Variants in MAPK13 observed in about 807,000 individuals in gnomAD.
MAPK13 encodes the protein MAP kinase 13.
MAPK13 carries 39 observed loss-of-function variants against 53.5 expected under a neutral mutation model. That is an observed-to-expected ratio of 0.73 (90% confidence interval 0.56 to 0.95). The LOEUF (loss-of-function observed/expected upper bound fraction) is 0.95, where lower values mean the gene tolerates loss of function less well. Ranked by LOEUF, MAPK13 falls within the 40% of genes least tolerant of loss-of-function variation. MAPK13 has a pLI of 0.00. For synonymous variants in MAPK13, 179 were observed against 190.9 expected (o/e 0.94, Z 0.51); for missense variants, 460 against 471.8 (o/e 0.98, Z 0.23).
rs1178281317 is a variant in MAPK13 at position 36,130,724 on chromosome 6, G to GGGCGGGA, written c.119+29_119+30insAGGCGGG. 1.7e-6 allele frequency: 2 copies of GGGCGGGA among 1,163,196 alleles called. No individual in the cohort carries two copies. The highest frequency in any genetic ancestry group is 1.2e-6 in the Non-Finnish European group (1 of 822,590). 72.1% of individuals were successfully genotyped at this position (1,163,196 alleles called of 1,614,324 possible). A position where few individuals can be genotyped will look rare whatever the true frequency, so the allele number is the denominator to read the frequency against. ...GTGGTGAGACCCCTGGGCCGCTGGG[G>GGGCGGGA]GGCGGGGGGCGGGCGCCAGGCTCTC... On this transcript the variant is annotated intron_variant, in intron 1 of 11. Transcript: ENST00000211287. This position sits in a 1 kb window ranked among gnomAD's most constrained non-coding sequence, Gnocchi z 4.5.
chr6:36,137,661 A>AC (rs1313592082), intron 8 of MAPK13, among the ~76,000 whole-genome samples: 1 of 150,090 alleles, frequency 6.7e-6, no homozygotes, highest in African/African-American at 2.5e-5. Flanking sequence ...AAAAAAAAAA[A>AC]AAAAAAAACA....
At position 36,136,941 on chromosome 6, in the gene MAPK13, G is replaced by T; in HGVS notation, c.673G>T (p.Gly225Trp). 7 of 1,614,170 alleles carry T rather than the reference G, an allele frequency of 4.3e-6. No individual in the cohort carries two copies. The highest frequency in any genetic ancestry group is 5.9e-6 in the Non-Finnish European group (7 of 1,179,990). ...EMLTGKTLFK[G>W]KDYLDQLTQI... The stretch of plus-strand genomic sequence containing the variant: ...GCTGACAGGGAAAACTCTGTTCAAG[G>T]GGAAAGATTGTATCCTTTGCTGGAA... Residue 225 changes from glycine (G) to tryptophan (W), a missense_variant, in exon 8 of 12, where the codon GGG becomes TGG. By Grantham distance (184) the Gly-to-Trp change is radical. Coordinates refer to ENST00000211287, the MANE Select transcript of MAPK13 (RefSeq NM_002754.5).
chr6:36,130,557 G>A lies in MAPK13; in HGVS notation c.-26G>A, dbSNP rs747660733. The A allele has an allele frequency of 3.0e-6, 4 of 1,317,280 alleles. No individual in the cohort carries two copies. The highest frequency in any genetic ancestry group is 2.1e-5 in the Admixed American group (1 of 46,958). 81.6% of individuals were successfully genotyped at this position (1,317,280 alleles called of 1,614,324 possible). ...GGGCCGCGAACGCAGCCGCCACGCTGGGGCCGCCGAGATCGGGTGCCCGGG... is the reference window on the plus strand; with the variant it reads ...GGGCCGCGAACGCAGCCGCCACGCTAGGGCCGCCGAGATCGGGTGCCCGGG... On this transcript the variant is annotated 5_prime_UTR_variant, in exon 1 of 12. Coordinates refer to ENST00000211287, the MANE Select transcript of MAPK13 (RefSeq NM_002754.5). The surrounding 1 kb of genome is among the most constrained non-coding windows in gnomAD (Gnocchi z 4.5).
Position 36,130,530 on chromosome 6 carries a change from T to C in MAPK13, c.-53T>C, listed in dbSNP as rs1055930659. ...CGGGGGTCGGGGCGCTGGGAGCCCG[T>C]TGGGCCGCGAACGCAGCCGCCACGC... On this transcript the variant is annotated 5_prime_UTR_variant, in exon 1 of 12. Transcript: ENST00000211287. This position sits in a 1 kb window ranked among gnomAD's most constrained non-coding sequence, Gnocchi z 4.5. 2.3e-5 allele frequency: 21 copies of C among 914,416 alleles called. No homozygotes were observed. In the African/African-American group the frequency reaches 2.5e-4, roughly 11 times the overall value. The allele number at this position is 914,416 out of a possible 1,614,324, so 56.6% of individuals were successfully genotyped here. A position where few individuals can be genotyped will look rare whatever the true frequency, so the allele number is the denominator to read the frequency against.
intron 1 of MAPK13, 99 bp from the exon 2 acceptor site, chr6:36,131,172 C>T: frequency 3.5e-6 from 5 of 1,410,658 alleles, no homozygotes; most frequent in Non-Finnish European, 3.8e-6. Context: ...TGGGCCTAGT[C>T]CCCTCTCAGC....
chr6:36,138,913 C>T lies in MAPK13; in HGVS notation c.876C>T (p.Asp292=), dbSNP rs762188816. ...ADLLEKMLEL[D]VDKRLTAAQA... ...TGCTGGAGAAGATGCTGGAGCTAGA[C>T]GTGGACAAGCGCCTGACGGCCGCGC... The change falls in exon 11 of 12, where the codon GAC becomes GAT. Residue 292 remains aspartate (D), a synonymous_variant. Transcript: ENST00000211287. The T allele has an allele frequency of 1.2e-4, 195 of 1,611,636 alleles. 1 individual carries two copies. Among genetic ancestry groups the T allele is most frequent in the Middle Eastern group, 4.9e-4 (3 of 6,072 alleles).
In MAPK13 at chr6:36,136,663, A is replaced by G; in HGVS notation, c.503A>G (p.Asp168Gly). 6.2e-7 allele frequency: 1 copy of G among 1,613,732 alleles called. No individual in the cohort carries two copies. Among genetic ancestry groups the G allele is most frequent in the Non-Finnish European group, 8.5e-7 (1 of 1,179,836 alleles). ...VNEDCELKILDFGLARHADAE... is the reference protein window; with the variant it reads ...VNEDCELKILGFGLARHADAE... Reference sequence around the variant, plus strand: ...TTATCCCCTGTGCCATAGATTCTGGATTTTGGGCTGGCGCGACATGCAGAC... The same window carrying G: ...TTATCCCCTGTGCCATAGATTCTGGGTTTTGGGCTGGCGCGACATGCAGAC... The change falls in exon 7 of 12, where the codon GAT becomes GGT. Residue 168 changes from aspartate (D) to glycine (G), a missense_variant. By Grantham distance (94) the Asp-to-Gly change is moderately conservative. Coordinates refer to ENST00000211287, the MANE Select transcript of MAPK13 (RefSeq NM_002754.5).
rs1268858000 is a variant in MAPK13, at chr6:36,136,478, C to T, written c.448-6C>T. On this transcript the variant is annotated splice_polypyrimidine_tract_variant and splice_region_variant and intron_variant, in intron 5 of 11. Transcript: ENST00000211287. ...GCCTAGCATGCATTCTCTGTCCTCCCCCCAGGACCTGAAGCCAGGCAACCT... is the reference window on the plus strand; with the variant it reads ...GCCTAGCATGCATTCTCTGTCCTCCTCCCAGGACCTGAAGCCAGGCAACCT... 2 of 1,590,818 alleles carry T rather than the reference C, an allele frequency of 1.3e-6. No homozygotes were observed. The highest frequency in any genetic ancestry group is 1.7e-6 in the Non-Finnish European group (2 of 1,169,676).
At position 36,140,942 on chromosome 6, in the gene MAPK13, G is replaced by A. The variant is rs531258062; in HGVS notation, c.*1569G>A. 3 of 152,260 alleles carry A rather than the reference G, an allele frequency of 2.0e-5. No homozygotes were observed. In the East Asian group the frequency reaches 5.8e-4, roughly 29 times the overall value. The allele number at this position is 152,260 out of a possible 1,614,324, so 9.4% of individuals were successfully genotyped here. A position where few individuals can be genotyped will look rare whatever the true frequency, so the allele number is the denominator to read the frequency against. ...AGGTCTGTGCCACCCAGGTGCACCAGGACTGCAGGTGGCTAATTAAAACAT... is the reference window on the plus strand; with the variant it reads ...AGGTCTGTGCCACCCAGGTGCACCAAGACTGCAGGTGGCTAATTAAAACAT... On this transcript the variant is annotated 3_prime_UTR_variant, in exon 12 of 12. Coordinates refer to ENST00000211287, the MANE Select transcript of MAPK13 (RefSeq NM_002754.5).
At position 36,136,655 on chromosome 6, in the gene MAPK13, G is replaced by C. The variant is rs1561790040; in HGVS notation, c.496-1G>C. ...TTTTCTATTTATCCCCTGTGCCATA[G>C]ATTCTGGATTTTGGGCTGGCGCGAC... is the stretch of plus-strand genomic sequence containing the variant. On this transcript the variant is annotated splice_acceptor_variant, in intron 6 of 11. Coordinates refer to ENST00000211287, the MANE Select transcript of MAPK13 (RefSeq NM_002754.5). LOFTEE classifies it high-confidence loss of function. The C allele has an allele frequency of 6.2e-7, 1 of 1,613,612 alleles. No individual in the cohort carries two copies.
Position 36,140,381 on chromosome 6 carries a change from C to G in MAPK13, c.*1008C>G, listed in dbSNP as rs1258737084. The G allele has an allele frequency of 6.5e-6, 1 of 152,864 alleles. No individual in the cohort carries two copies. The highest frequency in any genetic ancestry group is 1.5e-5 in the Non-Finnish European group (1 of 68,100). The allele number at this position is 152,864 out of a possible 1,614,324, so 9.5% of individuals were successfully genotyped here. A position where few individuals can be genotyped will look rare whatever the true frequency, so the allele number is the denominator to read the frequency against. On this transcript the variant is annotated 3_prime_UTR_variant, in exon 12 of 12. Transcript: ENST00000211287. The stretch of plus-strand genomic sequence containing the variant: ...TGGCACAGCTCTCCAGAGCTTTGAC[C>G]TGACAGTGGCTAGAACCTCTCTGTT...
At chr6:36,134,947 G>A (rs1766387029) in intron 3 of MAPK13, among the ~76,000 whole-genome samples, 1 of 152,184 alleles carries the variant, frequency 6.6e-6, no homozygotes, top group Non-Finnish European at 1.5e-5. Context: ...CCTGGGAGGT[G>A]GAGGTTGCAG....
At chr6:36,132,360 A>C (rs773142707) in intron 2 of MAPK13, among the ~76,000 whole-genome samples, 2 of 152,208 alleles carry the variant, frequency 1.3e-5, no homozygotes, top group Non-Finnish European at 2.9e-5. Context: ...CTTGACAGCA[A>C]TGAGCACACA....
rs539362480 is a variant in MAPK13 at position 36,141,270 on chromosome 6, A to C, written c.*1897A>C. The C allele has an allele frequency of 3.9e-5, 6 of 152,366 alleles. No individual in the cohort carries two copies. The highest frequency in any genetic ancestry group is 1.4e-4 in the African/African-American group (6 of 41,588). The allele number at this position is 152,366 out of a possible 1,614,324, so 9.4% of individuals were successfully genotyped here. A position where few individuals can be genotyped will look rare whatever the true frequency, so the allele number is the denominator to read the frequency against. On this transcript the variant is annotated 3_prime_UTR_variant, in exon 12 of 12. Transcript: ENST00000211287. ...CAGTATTGGTTCATAAATTGTAACAATTGTGCCACACTAATGCAAGATGTT... is the reference window on the plus strand; with the variant it reads ...CAGTATTGGTTCATAAATTGTAACACTTGTGCCACACTAATGCAAGATGTT...
Position 36,131,280 on chromosome 6 carries a change from C to A in MAPK13, c.129C>A (p.Ile43=). The part of the protein sequence containing the change: ...SGAYGSVCSA[I]DKRSGEKVAI... Reference sequence around the variant, plus strand: ...GGCCTGTGCCCGACAGCTCGGCCATCGACAAGCGGTCAGGGGAGAAGGTGG... The same window carrying A: ...GGCCTGTGCCCGACAGCTCGGCCATAGACAAGCGGTCAGGGGAGAAGGTGG... Residue 43 remains isoleucine, a synonymous_variant, in exon 2 of 12, where the codon ATC becomes ATA. Transcript: ENST00000211287. 1 of 1,612,774 alleles carries A rather than the reference C, an allele frequency of 6.2e-7. No homozygotes were observed. Among genetic ancestry groups the A allele is most frequent in the Non-Finnish European group, 8.5e-7 (1 of 1,179,274 alleles).
chr6:36,138,886 C>T lies in MAPK13; in HGVS notation c.849C>T (p.Asp283=). The change falls in exon 11 of 12, where the codon GAC becomes GAT. Residue 283 remains aspartate (D), a synonymous_variant. Transcript: ENST00000211287. Reference sequence around the variant, plus strand: ...TTGGCTCTGCCCCTGCAGCTGCGGACCTGCTGGAGAAGATGCTGGAGCTAG... The same window carrying T: ...TTGGCTCTGCCCCTGCAGCTGCGGATCTGCTGGAGAAGATGCTGGAGCTAG... The part of the protein sequence containing the change: ...LFPRASPQAA[D]LLEKMLELDV... 2 of 1,610,316 alleles carry T rather than the reference C, an allele frequency of 1.2e-6. No homozygotes were observed. The highest frequency in any genetic ancestry group is 1.7e-6 in the Non-Finnish European group (2 of 1,178,274).
chr6:36,132,548 T>C lies in MAPK13; in HGVS notation c.250-73T>C, dbSNP rs1459369651. The C allele has an allele frequency of 2.1e-6, 3 of 1,409,428 alleles. No homozygotes were observed. In the South Asian group the frequency reaches 3.4e-5, roughly 16 times the overall value. The allele number at this position is 1,409,428 out of a possible 1,614,324, so 87.3% of individuals were successfully genotyped here. ...AGGAAAGGGTGGATGGCCCTGTGCA[T>C]GGCCAGGGCCCAGGAGGAGGTGGGA... On this transcript the variant is annotated intron_variant, in intron 2 of 11. Coordinates refer to ENST00000211287, the MANE Select transcript of MAPK13 (RefSeq NM_002754.5).
rs1320428158 is a variant in MAPK13, at chr6:36,130,526, C to A, written c.-57C>A. ...GCAGCGGGGGTCGGGGCGCTGGGAG[C>A]CCGTTGGGCCGCGAACGCAGCCGCC... On this transcript the variant is annotated 5_prime_UTR_variant, in exon 1 of 12. Coordinates refer to ENST00000211287, the MANE Select transcript of MAPK13 (RefSeq NM_002754.5). The surrounding 1 kb of genome is among the most constrained non-coding windows in gnomAD (Gnocchi z 4.5). The A allele has an allele frequency of 8.5e-5, 71 of 837,528 alleles. 1 individual carries two copies. Among genetic ancestry groups the A allele is most frequent in the Non-Finnish European group, 1.2e-4 (68 of 553,144 alleles). 51.9% of individuals were successfully genotyped at this position (837,528 alleles called of 1,614,324 possible).
At chr6:36,134,587 G>C (rs1386319677) in intron 3 of MAPK13, among the ~76,000 whole-genome samples, 1 of 151,936 alleles carries the variant, frequency 6.6e-6, no homozygotes, top group African/African-American at 2.4e-5. Flanking sequence ...TTATAGATAT[G>C]GGGTCTCACT....
Sources: gnomAD v4.1 joint callset for allele counts (sites outside exome capture counted in the v4.1 genomes callset) on GRCh38, gnomAD v4.1.1 for gene constraint, Gnocchi (gnomAD v3.1) non-coding constraint, MANE v1.5 for transcripts, NCBI Gene and HGNC (gene_info 2026-07-23, HGNC 2026-07-21) for gene names.